The following MOCOS variants were observed in gnomAD, a reference collection of about 807,000 sequenced individuals.
MOCOS encodes the protein molybdenum cofactor sulfurase, also known as human molybdenum cofactor sulfurase.
MOCOS carries 86 observed loss-of-function variants against 83.6 expected under a neutral mutation model. The observed-to-expected ratio is 1.03, with a 90% CI of 0.86 to 1.23. The LOEUF (loss-of-function observed/expected upper bound fraction) is 1.23. Among genes scored for constraint, MOCOS ranks in the 50% most tolerant of loss-of-function variants. The probability of loss-of-function intolerance (pLI) is 0.00; values close to 1 mark genes in which losing one functional copy is unlikely to be tolerated. For synonymous variants in MOCOS, 445 were observed against 434.7 expected, an observed-to-expected ratio of 1.02 and a Z score of -0.29; for missense variants, 1,120 against 1,126.9, an observed-to-expected ratio of 0.99 and a Z score of 0.09.
chr18:36,212,033 A>G (rs755689628), intron 6 of MOCOS, among the ~76,000 whole-genome samples: 72 of 152,208 alleles, frequency 4.7e-4, no homozygotes, highest in Non-Finnish European at 9.7e-4. Context: ...GGAGACGCCA[A>G]GCTCAGGACT....
chr18:36,201,046 G>A (rs1223332372), intron 4 of MOCOS, among the ~76,000 whole-genome samples: 2 of 152,210 alleles, frequency 1.3e-5, no homozygotes, highest in African/African-American at 4.8e-5. Context: ...GACCTGTAAG[G>A]TCGAGTGTGT....
chr18:36,215,861 G>T lies in MOCOS; in HGVS notation c.1681G>T (p.Ala561Ser), dbSNP rs577502738. Residue 561 changes from alanine to serine, a missense_variant, in exon 8 of 15, where the codon GCC becomes TCC. Physicochemically the swap from Ala to Ser is moderately conservative, Grantham distance 99 (BLOSUM62 1). Coordinates refer to ENST00000261326, the MANE Select transcript of MOCOS (RefSeq NM_017947.4). ...VPVAPPVCDV[A>S]RTQPTPSEKA... ...TGTGGCCCCACCTGTGTGTGATGTC[G>T]CCAGAACCCAGCCGACTCCTTCAGA... 3 of 1,614,158 alleles carry T rather than the reference G, an allele frequency of 1.9e-6. No homozygotes were observed. The highest frequency in any genetic ancestry group is 2.2e-5 in the South Asian group (2 of 91,076).
In MOCOS at chr18:36,268,742, C is replaced by T; in HGVS notation, c.*57C>T. The stretch of plus-strand genomic sequence containing the variant: ...CAGTGATCTCTATTATTGTTAAGAT[C>T]TGCAACTTGGTTCAGTAGAACTTGA... On this transcript the variant is annotated 3_prime_UTR_variant, in exon 15 of 15. Coordinates refer to ENST00000261326, the MANE Select transcript of MOCOS (RefSeq NM_017947.4). The T allele has an allele frequency of 7.0e-7, 1 of 1,435,564 alleles. No individual in the cohort carries two copies. The highest frequency in any genetic ancestry group is 9.8e-7 in the Non-Finnish European group (1 of 1,021,620). The allele number at this position is 1,435,564 out of a possible 1,614,324, so 88.9% of individuals were successfully genotyped here.
At chr18:36,267,082 A>T (rs962929188) in intron 14 of MOCOS, among the ~76,000 whole-genome samples, 1 of 152,066 alleles carries the variant, frequency 6.6e-6, no homozygotes, top group Non-Finnish European at 1.5e-5. Context: ...TATGCTTTCC[A>T]ATCTTGTTGA....
intron 1 of MOCOS, 70 bp downstream of exon 1, chr18:36,187,751 A>G: frequency 1.2e-5 from 15 of 1,239,686 alleles, no homozygotes; most frequent in Non-Finnish European, 1.5e-5. Flanking sequence ...TTTTGCTCCT[A>G]GTGAGAGCGG....
intron 7 of MOCOS, among the ~76,000 whole-genome samples, chr18:36,214,611 T>C (rs1854661113): frequency 6.6e-6 from 1 of 152,066 alleles, no homozygotes; most frequent in Non-Finnish European, 1.5e-5. Context: ...AGAGTGTTTA[T>C]TGATTTGAGT....
In MOCOS at chr18:36,251,176, G is replaced by A. The variant is rs780170115; in HGVS notation, c.2057G>A (p.Cys686Tyr). The A allele has an allele frequency of 1.2e-6, 2 of 1,613,420 alleles. No homozygotes were observed. Residue 686 changes from cysteine to tyrosine, a missense_variant, in exon 11 of 15, where the codon TGT (cysteine) becomes TAT (tyrosine). Coordinates refer to ENST00000261326, the MANE Select transcript of MOCOS (RefSeq NM_017947.4). ...VCADRVSTYD[C>Y]GEKISSWLST... is the part of the protein sequence containing the mutation. ...TTTGCCAGAGTAAGTACTTATGATTGTGGAGAAAAAATTTCAAGCTGGTTG... is the reference window on the plus strand; with the variant it reads ...TTTGCCAGAGTAAGTACTTATGATTATGGAGAAAAAATTTCAAGCTGGTTG...
Position 36,230,595 on chromosome 18 carries a change from G to A in MOCOS, c.1960+10378G>A, listed in dbSNP as rs1017481872. Among the ~76,000 whole-genome samples the A allele has an allele frequency of 3.3e-5, 5 of 152,122 alleles. No individual in the cohort carries two copies. The East Asian group carries it at 7.7e-4, about 23-fold the overall frequency. On this transcript the variant is annotated intron_variant, in intron 9 of 14. Transcript: ENST00000261326. ...CAAGATGCTACCTCCATTCTCTTGC[G>A]AGTGGCTTCACTGTGCCAGGCCCAT...
intron 9 of MOCOS, among the ~76,000 whole-genome samples, chr18:36,234,236 A>C (rs1217644428): frequency 6.6e-6 from 1 of 152,118 alleles, no homozygotes; most frequent in Non-Finnish European, 1.5e-5. Flanking sequence ...ATCCATTTTC[A>C]TGTTTTTACA....
In MOCOS at chr18:36,249,018, G is replaced by A. The variant is rs377743680; in HGVS notation, c.2039+18G>A. On this transcript the variant is annotated intron_variant, in intron 10 of 14. Coordinates refer to ENST00000261326, the MANE Select transcript of MOCOS (RefSeq NM_017947.4). Reference sequence around the variant, plus strand: ...GCTGACAGGTGAGACTCTGAAGCACGTGAAAATCTCAGCTTTATTGACAGG... The same window carrying A: ...GCTGACAGGTGAGACTCTGAAGCACATGAAAATCTCAGCTTTATTGACAGG... 9 of 1,608,550 alleles carry A rather than the reference G, an allele frequency of 5.6e-6. No homozygotes were observed. Among genetic ancestry groups the A allele is most frequent in the Non-Finnish European group, 7.7e-6 (9 of 1,175,028 alleles).
Position 36,257,086 on chromosome 18 carries a change from A to G in MOCOS, c.2270+13A>G. ...AACTAAACACCAGGTAAGACCTCATACCTCGGGACTAGCAGACAAGCATAA... is the reference window on the plus strand; with the variant it reads ...AACTAAACACCAGGTAAGACCTCATGCCTCGGGACTAGCAGACAAGCATAA... On this transcript the variant is annotated intron_variant, in intron 12 of 14. Coordinates refer to ENST00000261326, the MANE Select transcript of MOCOS (RefSeq NM_017947.4). 1 of 1,602,428 alleles carries G rather than the reference A, an allele frequency of 6.2e-7. No individual in the cohort carries two copies. Among genetic ancestry groups the G allele is most frequent in the African/African-American group, 1.3e-5 (1 of 74,752 alleles).
intron 7 of MOCOS, 117 bp from the exon 8 acceptor site, chr18:36,215,399 G>C: frequency 1.1e-6 from 1 of 928,520 alleles, no homozygotes; most frequent in Non-Finnish European, 1.7e-6. Context: ...TATTAATGTT[G>C]CAGTTCTGTT....
At position 36,203,595 on chromosome 18, in the gene MOCOS, G is replaced by A. The variant is rs573605123; in HGVS notation, c.1018+406G>A. ...GAGCTGATGCTCAGAGAGGTTAAACGCCTTCCAGGCCAGGGAGCTGGAAAC... is the reference window on the plus strand; with the variant it reads ...GAGCTGATGCTCAGAGAGGTTAAACACCTTCCAGGCCAGGGAGCTGGAAAC... On this transcript the variant is annotated intron_variant, in intron 5 of 14. Transcript: ENST00000261326. Among the ~76,000 whole-genome samples, 5 of 152,296 alleles carry A rather than the reference G, an allele frequency of 3.3e-5. No individual in the cohort carries two copies. The East Asian group carries it at 7.7e-4, about 24-fold the overall frequency.
intron 9 of MOCOS, among the ~76,000 whole-genome samples, chr18:36,230,504 G>C (rs12604205): frequency 0.45 from 68,756 of 151,958 alleles, 15,842 homozygotes; most frequent in South Asian, 0.59. Flanking sequence ...CAACTCTTTC[G>C]TCCCTTAGGA....
rs1026277944 is a variant in MOCOS, at chr18:36,187,543, G to A, written c.4G>A (p.Ala2Thr). Residue 2 changes from alanine to threonine, a missense_variant, in exon 1 of 15, where the codon GCC becomes ACC. Coordinates refer to ENST00000261326, the MANE Select transcript of MOCOS (RefSeq NM_017947.4). M[A>T]GAAAESGREL... The stretch of plus-strand genomic sequence containing the variant: ...CCTGGATGGACTAGCCGGGGCCATG[G>A]CCGGCGCGGCGGCGGAGTCAGGGCG... 8.1e-7 allele frequency: 1 copy of A among 1,237,060 alleles called. No individual in the cohort carries two copies. Among genetic ancestry groups the A allele is most frequent in the African/African-American group, 1.5e-5 (1 of 64,612 alleles). The allele number at this position is 1,237,060 out of a possible 1,614,324, so 76.6% of individuals were successfully genotyped here.
Position 36,187,693 on chromosome 18 carries a change from G to GGGCA in MOCOS, c.142+16_142+19dup, listed in dbSNP as rs780090086. ...CAGCCGCCTGGCAGGTGAGGCGGGC[G>GGGCA]GGCAGGCTTGGGGGACACGAGGTTT... On this transcript the variant is annotated intron_variant, in intron 1 of 14. Coordinates refer to ENST00000261326, the MANE Select transcript of MOCOS (RefSeq NM_017947.4). 1.3e-3 allele frequency: 1,658 copies of GGGCA among 1,265,070 alleles called. 34 individuals are homozygous for GGGCA. The East Asian group carries it at 0.038, about 29-fold the overall frequency. The allele number at this position is 1,265,070 out of a possible 1,614,324, so 78.4% of individuals were successfully genotyped here.
intron 13 of MOCOS, among the ~76,000 whole-genome samples, chr18:36,263,855 GATTTTTT>G (rs2144156936): frequency 6.6e-6 from 1 of 152,320 alleles, no homozygotes; most frequent in African/African-American, 2.4e-5. Flanking sequence ...TTAAAATGAA[GATTTTTT>G]AAGAAAATTG....
At chr18:36,224,424 G>A (rs138902123) in intron 9 of MOCOS, among the ~76,000 whole-genome samples, 199 of 152,210 alleles carry the variant, frequency 1.3e-3, no homozygotes, top group African/African-American at 4.6e-3. Context: ...TTAGTTGTAG[G>A]CTTTTCATAT....
At position 36,220,120 on chromosome 18, in the gene MOCOS, C is replaced by T. The variant is rs769824980; in HGVS notation, c.1863C>T (p.His621=). The change falls in exon 9 of 15, where the codon CAC becomes CAT. Residue 621 remains histidine (H), a synonymous_variant. Transcript: ENST00000261326. ...ACCGGAGCTGGATGGTTGTGAATCACAATGGTGTTTGCCTGAGTCAGAAGC... is the reference window on the plus strand; with the variant it reads ...ACCGGAGCTGGATGGTTGTGAATCATAATGGTGTTTGCCTGAGTCAGAAGC... ...LYDRSWMVVN[H]NGVCLSQKQE... is the part of the protein sequence containing the mutation. The T allele has an allele frequency of 1.9e-6, 3 of 1,614,106 alleles. No individual in the cohort carries two copies. The highest frequency in any genetic ancestry group is 1.7e-6 in the Non-Finnish European group (2 of 1,180,040).
Sources: gnomAD v4.1 joint callset for allele counts (sites outside exome capture counted in the v4.1 genomes callset) on GRCh38, gnomAD v4.1.1 for gene constraint, MANE v1.5 for transcripts, NCBI Gene and HGNC (gene_info 2026-07-23, HGNC 2026-07-21) for gene names.